The following CNTNAP1 variants were observed in gnomAD, a reference collection of about 807,000 sequenced individuals.
The protein encoded by CNTNAP1 is contactin associated protein 1.
CNTNAP1 carries 80 observed loss-of-function variants against 161.5 expected under a neutral mutation model. The observed-to-expected ratio is 0.50, with a 90% CI of 0.41 to 0.60. CNTNAP1 has a LOEUF of 0.60. Among genes scored for constraint, CNTNAP1 ranks in the 20% least tolerant of loss-of-function variants. CNTNAP1 has a pLI of 0.00. For synonymous variants in CNTNAP1, 695 were observed against 733.1 expected (o/e 0.95, Z 0.84); for missense variants, 1,464 against 1,854.8 (o/e 0.79, Z 3.87).
At chr17:42,692,015 G>C (rs1415724427) in intron 16 of CNTNAP1, 24 bp downstream of exon 16, 1 of 1,607,934 alleles carries the variant, frequency 6.2e-7, no homozygotes, top group Admixed American at 1.7e-5. Context: ...CTGTGGGAGG[G>C]CCTCGGGGTA....
intron 12 of CNTNAP1, 122 bp from the exon 13 acceptor site, chr17:42,690,617 G>A (rs2053072527): frequency 1.1e-6 from 1 of 909,246 alleles, no homozygotes; most frequent in Non-Finnish European, 1.8e-6. Context: ...GGGCAGAGGT[G>A]GAATGGAGCT....
intron 13 of CNTNAP1, 57 bp downstream of exon 13, chr17:42,690,999 G>T: frequency 6.2e-7 from 1 of 1,606,694 alleles, no homozygotes; most frequent in Admixed American, 1.7e-5. Context: ...TGGGGGCCTG[G>T]GAGAAGGAAG....
At chr17:42,683,053 C>A in intron 1 of CNTNAP1, 157 bp downstream of exon 1, 1 of 738,196 alleles carries the variant, frequency 1.4e-6, no homozygotes, top group Non-Finnish European at 2.1e-6. Context: ...CCGCGCTCCG[C>A]ATTGCAGCTC....
Position 42,688,882 on chromosome 17 carries a change from C to T in CNTNAP1, c.1463C>T (p.Pro488Leu), listed in dbSNP as rs1159964348. ...TGTSYFFGGC[P>L]KPASRWDCHS... Reference sequence around the variant, plus strand: ...ACAGGGGTGGTTGCTCCAGGTTGTCCCAAGCCAGCCAGTCGATGGGACTGC... The same window carrying T: ...ACAGGGGTGGTTGCTCCAGGTTGTCTCAAGCCAGCCAGTCGATGGGACTGC... Residue 488 changes from proline to leucine, a missense_variant, in exon 10 of 24, where the codon CCC (proline) becomes CTC (leucine). This residue lies in a region of CNTNAP1 where 1,383 missense variants were observed against 1,765.0 expected (regional missense o/e 0.78). Coordinates refer to ENST00000264638, the MANE Select transcript of CNTNAP1 (RefSeq NM_003632.3). 6.2e-7 allele frequency: 1 copy of T among 1,613,878 alleles called. No homozygotes were observed. The highest frequency in any genetic ancestry group is 8.5e-7 in the Non-Finnish European group (1 of 1,179,932).
Position 42,686,021 on chromosome 17 carries a change from C to T in CNTNAP1, c.780C>T (p.Asp260=). The stretch of plus-strand genomic sequence containing the variant: ...TGAGCGCAGGCGGAGTCCTCAATGA[C>T]CAGCACTGGCACTATGTGCGGGTGG... The part of the protein sequence containing the change: ...TTVSAGGVLN[D]QHWHYVRVDR... Residue 260 remains aspartate, a synonymous_variant, in exon 6 of 24, where the codon GAC becomes GAT. Coordinates refer to ENST00000264638, the MANE Select transcript of CNTNAP1 (RefSeq NM_003632.3). 1 of 1,614,176 alleles carries T rather than the reference C, an allele frequency of 6.2e-7. No homozygotes were observed. The highest frequency in any genetic ancestry group is 1.3e-5 in the African/African-American group (1 of 75,046).
rs946495416 is a variant in CNTNAP1 at position 42,683,621 on chromosome 17, AAGG to A, written c.68-197_68-195del. The A allele has an allele frequency of 7.7e-6, 11 of 1,425,972 alleles. No individual in the cohort carries two copies. The African/African-American group carries it at 1.4e-4, about 19-fold the overall frequency. 88.3% of individuals were successfully genotyped at this position (1,425,972 alleles called of 1,614,324 possible). On this transcript the variant is annotated intron_variant, in intron 1 of 23. Transcript: ENST00000264638. ...AGGTGTAGCCTAGGGGTTTGCCTAG[AAGG>A]AGAAGGTAGCCTCCTCTGAGCATGC...
intron 9 of CNTNAP1, 130 bp from the exon 10 acceptor site, chr17:42,688,745 AG>A (rs1368759330): frequency 3.7e-5 from 55 of 1,500,932 alleles, no homozygotes; most frequent in Non-Finnish European, 4.9e-5. Context: ...AGGGAGTGGA[AG>A]GTCATTGCCA....
rs777899535 is a variant in CNTNAP1, at chr17:42,685,204, G to A, written c.512-13G>A. 6.6e-5 allele frequency: 106 copies of A among 1,613,324 alleles called. No individual in the cohort carries two copies. The highest frequency in any genetic ancestry group is 8.9e-5 in the Non-Finnish European group (105 of 1,179,964). On this transcript the variant is annotated splice_polypyrimidine_tract_variant and intron_variant, in intron 4 of 23. Coordinates refer to ENST00000264638, the MANE Select transcript of CNTNAP1 (RefSeq NM_003632.3). The surrounding 1 kb of genome is among the most constrained non-coding windows in gnomAD (Gnocchi z 5.0). ...CTCCCCAGTTCCCGGCCCACCTACG[G>A]TCCTTTGCGCAGAGGCCGACATACT...
Position 42,691,976 on chromosome 17 carries a change from C to G in CNTNAP1, c.2515C>G (p.Arg839Gly). The stretch of plus-strand genomic sequence containing the variant: ...CTGCCAGTGGCGCCGACCTTATGTG[C>G]GGGTGGAACTCAACAGTGAGCAGGC... ...PYCQWRRPYVRVELNTSRDVV... is the reference protein window; with the variant it reads ...PYCQWRRPYVGVELNTSRDVV... Residue 839 changes from arginine (R) to glycine (G), a missense_variant, in exon 16 of 24, where the codon CGG (arginine) becomes GGG (glycine). This residue lies in a region of CNTNAP1 where 1,383 missense variants were observed against 1,765.0 expected (regional missense o/e 0.78). Coordinates refer to ENST00000264638, the MANE Select transcript of CNTNAP1 (RefSeq NM_003632.3). The surrounding 1 kb of genome is among the most constrained non-coding windows in gnomAD (Gnocchi z 4.3). 6.2e-7 allele frequency: 1 copy of G among 1,613,938 alleles called. No homozygotes were observed. Among genetic ancestry groups the G allele is most frequent in the Non-Finnish European group, 8.5e-7 (1 of 1,179,900 alleles).
chr17:42,692,680 G>T lies in CNTNAP1; in HGVS notation c.2712G>T (p.Gln904His). The T allele has an allele frequency of 6.2e-7, 1 of 1,614,062 alleles. No homozygotes were observed. Among genetic ancestry groups the T allele is most frequent in the Non-Finnish European group, 8.5e-7 (1 of 1,179,984 alleles). ...RPWVLRPMPL[Q>H]TYIWMEYDQP... The stretch of plus-strand genomic sequence containing the variant: ...GGGTTCTGCGGCCTATGCCACTGCA[G>T]ACCTACATCTGGATGGAGTATGACC... Residue 904 changes from glutamine to histidine, a missense_variant, in exon 17 of 24, where the codon CAG (glutamine) becomes CAT (histidine). Physicochemically the swap from Gln to His is conservative, Grantham distance 24. Transcript: ENST00000264638.
At chr17:42,688,181 T>C (rs1344995179) in intron 8 of CNTNAP1, among the ~76,000 whole-genome samples, 200 bp downstream of exon 8, 1 of 152,136 alleles carries the variant, frequency 6.6e-6, no homozygotes, top group African/African-American at 2.4e-5. Context: ...CTAAGTATTC[T>C]TGGAGAAGGG....
At position 42,692,674 on chromosome 17, in the gene CNTNAP1, A is replaced by C; in HGVS notation, c.2706A>C (p.Pro902=). ...DHRPWVLRPM[P]LQTYIWMEYD... ...GGCCCTGGGTTCTGCGGCCTATGCC[A>C]CTGCAGACCTACATCTGGATGGAGT... The change falls in exon 17 of 24, where the codon CCA becomes CCC. Residue 902 remains proline (P), a synonymous_variant. Coordinates refer to ENST00000264638, the MANE Select transcript of CNTNAP1 (RefSeq NM_003632.3). 1.9e-6 allele frequency: 3 copies of C among 1,614,126 alleles called. No individual in the cohort carries two copies. The highest frequency in any genetic ancestry group is 1.7e-5 in the Admixed American group (1 of 60,004).
At position 42,691,497 on chromosome 17, in the gene CNTNAP1, G is replaced by C; in HGVS notation, c.2330G>C (p.Arg777Pro). The C allele has an allele frequency of 6.2e-7, 1 of 1,614,004 alleles. No homozygotes were observed. Among genetic ancestry groups the C allele is most frequent in the African/African-American group, 1.3e-5 (1 of 74,998 alleles). ...GCCCAGTTCTTCCTGAGGCCTCTGC[G>C]CTGCTATGGCGATCGTGAGTGGCAG... Reference protein sequence around the residue: ...SEAQFFLRPLRCYGDRNSWNT... With the variant: ...SEAQFFLRPLPCYGDRNSWNT... The change falls in exon 15 of 24, where the codon CGC (arginine) becomes CCC (proline). Residue 777 changes from arginine to proline, a missense_variant. Around this residue, in one of 3 missense-constraint regions of CNTNAP1, gnomAD observed 1,383 missense variants for 1,765.0 expected, o/e 0.78. Transcript: ENST00000264638. This position sits in a 1 kb window ranked among gnomAD's most constrained non-coding sequence, Gnocchi z 4.3.
chr17:42,686,469 GTTTTTTTT>G (rs748366958), intron 6 of CNTNAP1, among the ~76,000 whole-genome samples: 1 of 71,364 alleles, frequency 1.4e-5, no homozygotes, highest in South Asian at 6.0e-4. Flanking sequence ...AAAAAGGCCT[GTTTTTTTT>G]TTTTTTTTTT....
Position 42,693,468 on chromosome 17 carries a change from T to C in CNTNAP1, c.2924T>C (p.Val975Ala). 6.2e-7 allele frequency: 1 copy of C among 1,614,198 alleles called. No individual in the cohort carries two copies. ...RLPCFHGGRC[V>A]ERYSYYTCDC... is the part of the protein sequence containing the mutation. Reference sequence around the variant, plus strand: ...CCCTGTTTCCATGGAGGCCGCTGCGTGGAGCGCTATAGCTACTACACGTGT... The same window carrying C: ...CCCTGTTTCCATGGAGGCCGCTGCGCGGAGCGCTATAGCTACTACACGTGT... The change falls in exon 18 of 24, where the codon GTG (valine) becomes GCG (alanine). Residue 975 changes from valine to alanine, a missense_variant. By Grantham distance (64) the Val-to-Ala change is moderately conservative. Transcript: ENST00000264638.
rs941710540 is a variant in CNTNAP1, at chr17:42,691,453, G to A, written c.2286G>A (p.Thr762=). 7 of 1,613,932 alleles carry A rather than the reference G, an allele frequency of 4.3e-6. No homozygotes were observed. The highest frequency in any genetic ancestry group is 2.7e-5 in the African/African-American group (2 of 74,884). ...TCACTCAGGTAGTGATAGGGGATAC[G>A]AACCGCTCCACTTCTGAGGCCCAGT... is the stretch of plus-strand genomic sequence containing the variant. The part of the protein sequence containing the change: ...LPVTQVVIGD[T]NRSTSEAQFF... Residue 762 remains threonine, a synonymous_variant, in exon 15 of 24, where the codon ACG becomes ACA. Transcript: ENST00000264638. The surrounding 1 kb of genome is among the most constrained non-coding windows in gnomAD (Gnocchi z 4.3).
intron 1 of CNTNAP1, 112 bp downstream of exon 1, chr17:42,683,008 G>A: frequency 1.0e-6 from 1 of 987,668 alleles, no homozygotes; most frequent in Non-Finnish European, 1.5e-6. Context: ...CGGCCGGCGC[G>A]CGCCCGCTGG....
At position 42,682,743 on chromosome 17, in the gene CNTNAP1, A is replaced by G. The variant is rs989287484; in HGVS notation, c.-87A>G. ...GAGAGAGCGGTCTGCTGCAAACCCC[A>G]GGAGGAGAGCTTGGAGCCCAAGCCA... is the stretch of plus-strand genomic sequence containing the variant. On this transcript the variant is annotated 5_prime_UTR_variant, in exon 1 of 24. Transcript: ENST00000264638. The G allele has an allele frequency of 1.0e-5, 14 of 1,377,506 alleles. No homozygotes were observed. The highest frequency in any genetic ancestry group is 1.7e-4 in the Middle Eastern group (1 of 5,728). The allele number at this position is 1,377,506 out of a possible 1,614,324, so 85.3% of individuals were successfully genotyped here. A position where few individuals can be genotyped will look rare whatever the true frequency, so the allele number is the denominator to read the frequency against.
In CNTNAP1 at chr17:42,689,974, C is replaced by A. The variant is rs541638280; in HGVS notation, c.1736-114C>A. ...CAGGCTGGTCTCGAACTCCTGACCT[C>A]GGGTGATGCACCACCCCGGCCTCCC... is the stretch of plus-strand genomic sequence containing the variant. On this transcript the variant is annotated intron_variant, in intron 11 of 23. Transcript: ENST00000264638. 1.7e-5 allele frequency: 20 copies of A among 1,191,086 alleles called. No individual in the cohort carries two copies. The Middle Eastern group carries it at 6.0e-4, about 36-fold the overall frequency. 73.8% of individuals were successfully genotyped at this position (1,191,086 alleles called of 1,614,324 possible). A position where few individuals can be genotyped will look rare whatever the true frequency, so the allele number is the denominator to read the frequency against.
Sources: gnomAD v4.1 joint callset for allele counts (sites outside exome capture counted in the v4.1 genomes callset) on GRCh38, gnomAD v4.1.1 for gene constraint, gnomAD v4.1.1 regional missense constraint, Gnocchi (gnomAD v3.1) non-coding constraint, MANE v1.5 for transcripts, NCBI Gene and HGNC (gene_info 2026-07-23, HGNC 2026-07-21) for gene names.